The following SLC7A14 variants were observed in gnomAD, a reference collection of about 807,000 sequenced individuals.
The protein encoded by SLC7A14 is solute carrier family 7 member 14.
SLC7A14 carries 37 observed loss-of-function variants against 60.2 expected under a neutral mutation model. The ratio of observed to expected loss-of-function variants is 0.61; its 90% CI spans 0.47 to 0.81. The LOEUF is 0.81. Among genes scored for constraint, SLC7A14 ranks in the 30% least tolerant of loss-of-function variants. SLC7A14 has a pLI of 0.00. For missense variants in SLC7A14, 886 were observed against 982.7 expected, an observed-to-expected ratio of 0.90 and a Z score of 1.32; for synonymous variants, 399 against 395.8, an observed-to-expected ratio of 1.01 and a Z score of -0.10.
At chr3:170,486,189 G>T in intron 5 of SLC7A14, 33 bp downstream of exon 5, 1 of 1,611,654 alleles carries the variant, frequency 6.2e-7, no homozygotes, top group Non-Finnish European at 8.5e-7. Context: ...GGGCCACATC[G>T]TGAGGAGGGT....
chr3:170,474,008 C>T (rs1002573448), intron 7 of SLC7A14, among the ~76,000 whole-genome samples: 4 of 152,144 alleles, frequency 2.6e-5, no homozygotes, highest in African/African-American at 4.8e-5. Flanking sequence ...GATACATGTC[C>T]GCGTGTCCAC....
At chr3:170,523,646 G>A (rs1713406272) in intron 2 of SLC7A14, among the ~76,000 whole-genome samples, 1 of 152,166 alleles carries the variant, frequency 6.6e-6, no homozygotes, top group Non-Finnish European at 1.5e-5. Context: ...GGAGATAAAT[G>A]TGCAGTTGTG....
chr3:170,510,404 AT>A (rs201328957), intron 2 of SLC7A14, among the ~76,000 whole-genome samples: 2,419 of 139,068 alleles, frequency 0.017, 71 homozygotes, highest in African/African-American at 0.036. Context: ...AAAAAAATAA[AT>A]AAATAAATAA....
intron 7 of SLC7A14, among the ~76,000 whole-genome samples, chr3:170,467,867 C>T (rs981616297): frequency 1.3e-5 from 2 of 152,188 alleles, no homozygotes; most frequent in Non-Finnish European, 2.9e-5. Context: ...TCTCTGCCTC[C>T]AGTTAGGGAC....
intron 1 of SLC7A14, among the ~76,000 whole-genome samples, chr3:170,559,925 T>C (rs1003928852): frequency 1.3e-5 from 2 of 152,242 alleles, no homozygotes; most frequent in Non-Finnish European, 2.9e-5. Flanking sequence ...CCTGGTTGTC[T>C]TTACCAAATG....
intron 4 of SLC7A14, among the ~76,000 whole-genome samples, chr3:170,492,418 T>C (rs1431632704): frequency 2.0e-5 from 3 of 152,148 alleles, no homozygotes; most frequent in South Asian, 2.1e-4. Flanking sequence ...GGTGGGAAGA[T>C]TACTTGAGCC....
chr3:170,540,160 A>G (rs1406592697), intron 1 of SLC7A14, among the ~76,000 whole-genome samples: 6 of 152,182 alleles, frequency 3.9e-5, no homozygotes, highest in African/African-American at 1.4e-4. Flanking sequence ...GCTACTCAGA[A>G]CAGCATGCAA....
At position 170,464,447 on chromosome 3, in the gene SLC7A14, G is replaced by C. The variant is rs1419298784; in HGVS notation, c.*2608C>G. 6.6e-6 allele frequency: 1 copy of C among 152,222 alleles called. No individual in the cohort carries two copies. The highest frequency in any genetic ancestry group is 1.5e-5 in the Non-Finnish European group (1 of 68,034). 9.4% of individuals were successfully genotyped at this position (152,222 alleles called of 1,614,324 possible). On this transcript the variant is annotated 3_prime_UTR_variant, in exon 8 of 8. Coordinates refer to ENST00000231706, the MANE Select transcript of SLC7A14 (RefSeq NM_020949.3). ...TAGTAATATTGTCATTGTAGTGATT[G>C]ATGGTATTTGAAAACTGCATTGTAA... is the stretch of plus-strand genomic sequence containing the variant.
In SLC7A14 at chr3:170,459,768, T is replaced by G. The variant is rs1739556461; in HGVS notation, c.*7287A>C. 1 of 152,158 alleles carries G rather than the reference T, an allele frequency of 6.6e-6. No individual in the cohort carries two copies. Among genetic ancestry groups the G allele is most frequent in the South Asian group, 2.1e-4 (1 of 4,838 alleles). The allele number at this position is 152,158 out of a possible 1,614,324, so 9.4% of individuals were successfully genotyped here. On this transcript the variant is annotated 3_prime_UTR_variant, in exon 8 of 8. Transcript: ENST00000231706. ...CAGATACTGGTTAAGGTTAACAAAATATGGGAAGGCTCCTTTTTCTTTTCT... is the reference window on the plus strand; with the variant it reads ...CAGATACTGGTTAAGGTTAACAAAAGATGGGAAGGCTCCTTTTTCTTTTCT...
intron 7 of SLC7A14, among the ~76,000 whole-genome samples, chr3:170,474,927 C>T (rs898828164): frequency 4.6e-5 from 7 of 152,286 alleles, no homozygotes; most frequent in East Asian, 3.9e-4. Flanking sequence ...AATAAAAACC[C>T]GCAGGGAACA....
At chr3:170,501,016 A>G in intron 3 of SLC7A14, 93 bp downstream of exon 3, 1 of 1,160,664 alleles carries the variant, frequency 8.6e-7, no homozygotes, top group Non-Finnish European at 1.3e-6. Flanking sequence ...AAGGCTTTTG[A>G]TACATTTTGC....
chr3:170,525,076 T>C (rs79860289), intron 2 of SLC7A14, among the ~76,000 whole-genome samples: 4,404 of 152,312 alleles, frequency 0.029, 224 homozygotes, highest in African/African-American at 0.1. Context: ...TACACAGAAT[T>C]CCCAATATAA....
At chr3:170,483,084 G>T (rs1318282575) in intron 6 of SLC7A14, among the ~76,000 whole-genome samples, 1 of 152,024 alleles carries the variant, frequency 6.6e-6, no homozygotes, top group Non-Finnish European at 1.5e-5. Context: ...GGAGGACAGT[G>T]GGGGGACACA....
At position 170,486,404 on chromosome 3, in the gene SLC7A14, T is replaced by C. The variant is rs201054412; in HGVS notation, c.760-36A>G. 236 of 1,613,982 alleles carry C rather than the reference T, an allele frequency of 1.5e-4. No individual in the cohort carries two copies. In the African/African-American group the frequency reaches 2.9e-3, roughly 20 times the overall value. On this transcript the variant is annotated intron_variant, in intron 4 of 7. Transcript: ENST00000231706. Reference sequence around the variant, plus strand: ...GATGGCATTTGTCAGACTCAGAAGATCGGGGTGGCACCTGGGTCTTAAATG... The same window carrying C: ...GATGGCATTTGTCAGACTCAGAAGACCGGGGTGGCACCTGGGTCTTAAATG...
intron 1 of SLC7A14, among the ~76,000 whole-genome samples, chr3:170,557,701 TA>T (rs1451767049): frequency 1.3e-5 from 2 of 152,206 alleles, no homozygotes; most frequent in African/African-American, 4.8e-5. Flanking sequence ...TTTCCTTTTG[TA>T]AAATGGGGAT....
chr3:170,569,253 C>T lies in SLC7A14; in HGVS notation c.-153+16658G>A, dbSNP rs980608192. 1.5e-3 allele frequency among the ~76,000 whole-genome samples: 234 copies of T among 151,966 alleles called. 2 individuals are homozygous for T. The highest frequency in any genetic ancestry group is 5.3e-3 in the African/African-American group (218 of 41,492). On this transcript the variant is annotated intron_variant, in intron 1 of 7. Transcript: ENST00000231706. ...TGAATTTTGTCAAAGGCCTTTTCTG[C>T]ATCTATTGAGATAATCATGTGGTTT...
At chr3:170,479,002 A>G (rs13089097) in intron 7 of SLC7A14, among the ~76,000 whole-genome samples, 72,228 of 151,962 alleles carry the variant, frequency 0.48, 19,440 homozygotes, top group Non-Finnish European at 0.61. Context: ...CTCACCTGTA[A>G]TATCAGCTAC....
Position 170,501,114 on chromosome 3 carries a change from C to T in SLC7A14, c.536G>A (p.Gly179Asp). 6.2e-7 allele frequency: 1 copy of T among 1,614,174 alleles called. No individual in the cohort carries two copies. Among genetic ancestry groups the T allele is most frequent in the South Asian group, 1.1e-5 (1 of 91,082 alleles). The change falls in exon 3 of 8, where the codon GGC (glycine) becomes GAC (aspartate). Residue 179 changes from glycine (G) to aspartate (D), a missense_variant. Gly to Asp is a moderately conservative substitution (Grantham distance 94). Coordinates refer to ENST00000231706, the MANE Select transcript of SLC7A14 (RefSeq NM_020949.3). ...GGAGGATGTGGCAGTCTCACCCAGG[C>T]CATTGAGGGTTCCCACGCTGTCCGC... is the stretch of plus-strand genomic sequence containing the variant. ...WMADSVGTLNGLGKGEESYPD... is the reference protein window; with the variant it reads ...WMADSVGTLNDLGKGEESYPD...
intron 2 of SLC7A14, among the ~76,000 whole-genome samples, chr3:170,512,574 C>T (rs966531875): frequency 2.6e-5 from 4 of 151,956 alleles, no homozygotes; most frequent in African/African-American, 9.7e-5. Context: ...CCTTCCTTCT[C>T]CTCTCCCCTT....
Sources: gnomAD v4.1 joint callset for allele counts (sites outside exome capture counted in the v4.1 genomes callset) on GRCh38, gnomAD v4.1.1 for gene constraint, MANE v1.5 for transcripts, NCBI Gene and HGNC (gene_info 2026-07-23, HGNC 2026-07-21) for gene names.